Variants in CREB5 observed in about 807,000 individuals in gnomAD.
CREB5 encodes cAMP responsive element binding protein 5, also known as cyclic AMP-responsive element-binding protein 5.
Under a neutral mutation model 57.1 loss-of-function variants are expected in CREB5, and 19 were observed. The ratio of observed to expected loss-of-function variants is 0.33; its 90% CI spans 0.23 to 0.49. CREB5 has a LOEUF of 0.49. Ranked by LOEUF, CREB5 falls within the 20% of genes least tolerant of loss-of-function variation. CREB5 has a pLI of 0.99. For synonymous variants in CREB5, 238 were observed against 238.3 expected (o/e 1.00, Z 0.01); for missense variants, 579 against 671.6 (o/e 0.86, Z 1.52).
chr7:28,388,935 C>T (rs1183475118), intron 1 of CREB5, among the ~76,000 whole-genome samples: 2 of 152,228 alleles, frequency 1.3e-5, no homozygotes, highest in Non-Finnish European at 2.9e-5. Context: ...GCATCTCTGA[C>T]TTTCAAGGCT....
intron 5 of CREB5, among the ~76,000 whole-genome samples, chr7:28,577,025 G>A (rs1795934592): frequency 2.0e-5 from 3 of 152,184 alleles, no homozygotes; most frequent in South Asian, 4.1e-4. Flanking sequence ...AGCTTGCTTG[G>A]AGCAAAACCA....
At chr7:28,563,749 GC>G (rs1384700016) in intron 4 of CREB5, among the ~76,000 whole-genome samples, 2 of 152,136 alleles carry the variant, frequency 1.3e-5, no homozygotes, top group East Asian at 1.9e-4. Context: ...AGTTTTCATA[GC>G]CCCCCTGTGC....
intron 5 of CREB5, among the ~76,000 whole-genome samples, chr7:28,715,168 A>G (rs1464875500): frequency 3.3e-5 from 5 of 152,244 alleles, no homozygotes; most frequent in African/African-American, 7.2e-5. Context: ...TGAATATCAA[A>G]AGAAATGAAC....
chr7:28,766,648 G>T (rs542126938), intron 7 of CREB5, among the ~76,000 whole-genome samples: 4 of 152,258 alleles, frequency 2.6e-5, no homozygotes, highest in South Asian at 4.2e-4. Flanking sequence ...CTGGAATGTC[G>T]ACCCAGATTG....
intron 4 of CREB5, among the ~76,000 whole-genome samples, chr7:28,542,116 T>C (rs1794233009): frequency 6.6e-6 from 1 of 152,246 alleles, no homozygotes; most frequent in Non-Finnish European, 1.5e-5. Flanking sequence ...ACCTGGACTC[T>C]GTACTAAGCA....
intron 4 of CREB5, among the ~76,000 whole-genome samples, chr7:28,531,721 A>T (rs1338756508): frequency 6.6e-6 from 1 of 152,188 alleles, no homozygotes; most frequent in African/African-American, 2.4e-5. Flanking sequence ...AGAGAGGGGT[A>T]TGGAGACCCT....
intron 1 of CREB5, 77 bp downstream of exon 1, chr7:28,412,994 T>G: frequency 7.9e-7 from 1 of 1,269,214 alleles, no homozygotes; most frequent in African/African-American, 1.5e-5. Flanking sequence ...ATGTTGTATT[T>G]TCATAGATGG....
intron 5 of CREB5, among the ~76,000 whole-genome samples, chr7:28,629,974 C>T (rs905043642): frequency 1.3e-5 from 2 of 152,174 alleles, no homozygotes; most frequent in African/African-American, 4.8e-5. Flanking sequence ...ACCTTGGAGA[C>T]CTCCCAATCC....
chr7:28,352,096 T>C (rs2127990707), intron 1 of CREB5, among the ~76,000 whole-genome samples: 1 of 152,376 alleles, frequency 6.6e-6, no homozygotes, highest in Admixed American at 6.5e-5. Flanking sequence ...TGCTATGTTA[T>C]CATCAAAAAT....
chr7:28,743,916 T>C (rs1434726677), intron 7 of CREB5, among the ~76,000 whole-genome samples: 3 of 131,722 alleles, frequency 2.3e-5, no homozygotes, highest in African/African-American at 5.8e-5. Context: ...TAGTTACATA[T>C]GTATACATGT....
chr7:28,657,095 GA>G (rs1799360676), intron 5 of CREB5, among the ~76,000 whole-genome samples: 1 of 152,050 alleles, frequency 6.6e-6, no homozygotes, highest in South Asian at 2.1e-4. Context: ...AATCCCTCCT[GA>G]AAATACACCT....
chr7:28,574,799 T>C (rs1024940224), intron 5 of CREB5, among the ~76,000 whole-genome samples: 3 of 152,208 alleles, frequency 2.0e-5, no homozygotes, highest in Non-Finnish European at 4.4e-5. Context: ...AGAAATATGT[T>C]CAACAGAATG....
intron 5 of CREB5, among the ~76,000 whole-genome samples, chr7:28,604,193 G>A (rs187141341): frequency 2.0e-5 from 3 of 152,274 alleles, no homozygotes; most frequent in Admixed American, 6.5e-5. Flanking sequence ...TATTTGTGAA[G>A]TATTGGCTTT....
At chr7:28,548,858 T>C (rs1794515778) in intron 4 of CREB5, among the ~76,000 whole-genome samples, 1 of 152,228 alleles carries the variant, frequency 6.6e-6, no homozygotes, top group Non-Finnish European at 1.5e-5. Context: ...CCTCAGTATT[T>C]CAATAACTTT....
At chr7:28,802,450 A>G (rs2237364) in intron 7 of CREB5, among the ~76,000 whole-genome samples, 78,244 of 152,036 alleles carry the variant, frequency 0.51, 21,961 homozygotes, top group African/African-American at 0.76. Flanking sequence ...GTTAGAGCAT[A>G]GTAGCTTTGA....
intron 4 of CREB5, among the ~76,000 whole-genome samples, chr7:28,531,553 T>C (rs1188360959): frequency 6.6e-6 from 1 of 152,168 alleles, no homozygotes; most frequent in East Asian, 1.9e-4. Context: ...ATTACATCTG[T>C]GATGACCCTG....
At chr7:28,778,241 A>G (rs962156202) in intron 7 of CREB5, among the ~76,000 whole-genome samples, 1 of 152,230 alleles carries the variant, frequency 6.6e-6, no homozygotes, top group Admixed American at 6.5e-5. Flanking sequence ...TTTGTAATTT[A>G]CTATTCGATT....
chr7:28,407,722 A>C (rs1460157367), upstream of CREB5, among the ~76,000 whole-genome samples: 3 of 152,228 alleles, frequency 2.0e-5, no homozygotes, highest in African/African-American at 7.2e-5. Flanking sequence ...CTGTGGTTTC[A>C]AGGAACACTA....
chr7:28,808,980 ATC>A (rs2128804222), intron 8 of CREB5, among the ~76,000 whole-genome samples: 1 of 152,168 alleles, frequency 6.6e-6, no homozygotes, highest in South Asian at 2.1e-4. Context: ...TTGCCAACAC[ATC>A]ATAGAATATA....
Sources: gnomAD v4.1 joint callset for allele counts (sites outside exome capture counted in the v4.1 genomes callset) on GRCh38, gnomAD v4.1.1 for gene constraint, MANE v1.5 for transcripts, NCBI Gene and HGNC (gene_info 2026-07-23, HGNC 2026-07-21) for gene names.